CHSY3: variants seen among roughly 807,000 people sequenced by gnomAD.
The protein encoded by CHSY3 is chondroitin sulfate synthase 3, also known as N-acetylgalactosaminyl-proteoglycan 3-beta-glucuronosyltransferase 3.
Under a neutral mutation model 67.2 loss-of-function variants are expected in CHSY3, and 35 were observed. The observed-to-expected ratio is 0.52, with a 90% CI of 0.40 to 0.69. CHSY3 has a LOEUF of 0.69. Ranked by LOEUF, CHSY3 falls within the 30% of genes least tolerant of loss-of-function variation. The pLI is 0.00. For synonymous variants in CHSY3, 474 were observed against 434.7 expected (o/e 1.09, Z -1.12); for missense variants, 1,069 against 1,138.5 (o/e 0.94, Z 0.88).
intron 2 of CHSY3, among the ~76,000 whole-genome samples, chr5:129,947,747 G>A (rs1053627393): frequency 6.6e-6 from 1 of 151,970 alleles, no homozygotes; most frequent in Admixed American, 6.6e-5. Context: ...CAGTATAAAT[G>A]TTCCTTTTTC....
chr5:130,145,955 G>A (rs977002790), intron 2 of CHSY3, among the ~76,000 whole-genome samples: 1 of 152,054 alleles, frequency 6.6e-6, no homozygotes, highest in Non-Finnish European at 1.5e-5. Context: ...AAAGAAAAGT[G>A]TTGGCAAAGA....
intron 2 of CHSY3, among the ~76,000 whole-genome samples, chr5:130,019,308 A>G (rs990664566): frequency 1.7e-4 from 26 of 151,898 alleles, no homozygotes; most frequent in African/African-American, 6.3e-4. Context: ...TTTCTTTTCC[A>G]TACTCTTCTC....
At chr5:130,150,260 T>A (rs1472070071) in intron 2 of CHSY3, among the ~76,000 whole-genome samples, 1 of 152,118 alleles carries the variant, frequency 6.6e-6, no homozygotes, top group Admixed American at 6.6e-5. Context: ...TCTAACAATA[T>A]CATTAATTGT....
Position 129,905,098 on chromosome 5 carries a change from A to G in CHSY3, c.269A>G (p.Glu90Gly), listed in dbSNP as rs759532768. The G allele has an allele frequency of 6.5e-7, 1 of 1,541,714 alleles. No individual in the cohort carries two copies. Among genetic ancestry groups the G allele is most frequent in the South Asian group, 1.2e-5 (1 of 84,232 alleles). The change falls in exon 1 of 3, where the codon GAG becomes GGG. Residue 90 changes from glutamate to glycine, a missense_variant. This residue lies in a region of CHSY3 where 309 missense variants were observed against 262.5 expected (regional missense o/e 1.18). Coordinates refer to ENST00000305031, the MANE Select transcript of CHSY3 (RefSeq NM_175856.5). ...GATCTCCAGGGGCCACCGCTGCCCG[A>G]GGCAGCACCCGGGATCACCAGTTTT... ...RQDLQGPPLP[E>G]AAPGITSFRS...
chr5:130,043,011 G>C (rs1765046733), intron 2 of CHSY3, among the ~76,000 whole-genome samples: 1 of 152,060 alleles, frequency 6.6e-6, no homozygotes, highest in African/African-American at 2.4e-5. Context: ...TTATCCTAAA[G>C]CTGGAAATTT....
chr5:130,149,811 T>G (rs1279876916), intron 2 of CHSY3, among the ~76,000 whole-genome samples: 1 of 152,210 alleles, frequency 6.6e-6, no homozygotes, highest in Admixed American at 6.5e-5. Context: ...AACACCAGTA[T>G]CTGTATACAA....
At chr5:130,089,230 G>T (rs1766786962) in intron 2 of CHSY3, among the ~76,000 whole-genome samples, 1 of 112,646 alleles carries the variant, frequency 8.9e-6, no homozygotes, top group African/African-American at 3.4e-5. Flanking sequence ...TGTGGGGTGG[G>T]GGGTGGGGGG....
chr5:130,016,796 C>T (rs1764231992), intron 2 of CHSY3, among the ~76,000 whole-genome samples: 3 of 152,164 alleles, frequency 2.0e-5, no homozygotes, highest in Admixed American at 6.5e-5. Flanking sequence ...AGGCATGCGA[C>T]TATGCTAGGT....
chr5:130,165,635 AG>A, intron 2 of CHSY3, among the ~76,000 whole-genome samples: 1 of 151,482 alleles, frequency 6.6e-6, no homozygotes, highest in Non-Finnish European at 1.5e-5. Flanking sequence ...CTTATAGGAG[AG>A]GGTCCGAGTA....
chr5:130,112,043 A>T (rs1280419779), intron 2 of CHSY3, among the ~76,000 whole-genome samples: 1 of 152,092 alleles, frequency 6.6e-6, no homozygotes, highest in African/African-American at 2.4e-5. Context: ...GCTGAGCCTC[A>T]CTTCAGAATC....
intron 2 of CHSY3, 85 bp downstream of exon 2, chr5:129,908,445 C>G: frequency 6.6e-7 from 1 of 1,509,170 alleles, no homozygotes; most frequent in Non-Finnish European, 8.9e-7. Context: ...TATTCATTCT[C>G]TCTGTATCTT....
chr5:129,919,113 CAA>C (rs35333880), intron 2 of CHSY3, among the ~76,000 whole-genome samples: 2 of 73,420 alleles, frequency 2.7e-5, no homozygotes, highest in Admixed American at 2.1e-4. Flanking sequence ...GACTCCGTCT[CAA>C]AAAAAAAAAA....
At chr5:130,127,423 G>C (rs62393184) in intron 2 of CHSY3, among the ~76,000 whole-genome samples, 1 of 152,100 alleles carries the variant, frequency 6.6e-6, no homozygotes, top group Non-Finnish European at 1.5e-5. Context: ...GGCCTAGTTA[G>C]TAAATGTAGA....
At chr5:130,071,958 G>A (rs1409143346) in intron 2 of CHSY3, among the ~76,000 whole-genome samples, 1 of 151,940 alleles carries the variant, frequency 6.6e-6, no homozygotes, top group African/African-American at 2.4e-5. Flanking sequence ...GAAATGTTGA[G>A]CATTGTTTCA....
Position 130,053,968 on chromosome 5 carries a change from A to G in CHSY3, c.1087-130261A>G, listed in dbSNP as rs1396593844. 2.0e-5 allele frequency among the ~76,000 whole-genome samples: 3 copies of G among 152,182 alleles called. No homozygotes were observed. In the East Asian group the frequency reaches 5.8e-4, roughly 29 times the overall value. ...AGCATTCATTAGAACTTCTAAATCCAAGAGCCTAAAACTTTCCTCAGTTTT... is the reference window on the plus strand; with the variant it reads ...AGCATTCATTAGAACTTCTAAATCCGAGAGCCTAAAACTTTCCTCAGTTTT... On this transcript the variant is annotated intron_variant, in intron 2 of 2. Transcript: ENST00000305031.
At chr5:130,046,236 T>C (rs117634630) in intron 2 of CHSY3, among the ~76,000 whole-genome samples, 1 of 152,268 alleles carries the variant, frequency 6.6e-6, no homozygotes, top group East Asian at 1.9e-4. Flanking sequence ...GGAAGCCATG[T>C]AGCATACAAA....
At chr5:129,989,604 C>T (rs1763302027) in intron 2 of CHSY3, among the ~76,000 whole-genome samples, 1 of 152,158 alleles carries the variant, frequency 6.6e-6, no homozygotes, top group Non-Finnish European at 1.5e-5. Context: ...AGGACACTTT[C>T]AGACCATAGC....
At chr5:130,069,161 G>A (rs1458920469) in intron 2 of CHSY3, among the ~76,000 whole-genome samples, 1 of 152,036 alleles carries the variant, frequency 6.6e-6, no homozygotes, top group East Asian at 1.9e-4. Context: ...GCAAGTTCAG[G>A]CCTGTCATCA....
At chr5:130,120,830 G>T (rs1036383381) in intron 2 of CHSY3, among the ~76,000 whole-genome samples, 1 of 152,202 alleles carries the variant, frequency 6.6e-6, no homozygotes, top group Non-Finnish European at 1.5e-5. Context: ...CACCGTAAAA[G>T]CTGGTGGTTG....
Sources: allele counts gnomAD v4.1 joint callset (sites outside exome capture counted in the v4.1 genomes callset), GRCh38; gene constraint gnomAD v4.1.1; regional missense constraint gnomAD v4.1.1; transcripts MANE v1.5; gene names NCBI Gene and HGNC (gene_info 2026-07-23, HGNC 2026-07-21).